The following SGSM1 variants were observed in gnomAD, a reference collection of about 807,000 sequenced individuals.
SGSM1 encodes small G protein signaling modulator 1.
In SGSM1, 73 loss-of-function variants were observed where a neutral mutation model predicts 133.8. The ratio of observed to expected loss-of-function variants is 0.55; its 90% CI spans 0.45 to 0.66. SGSM1 has a LOEUF of 0.66. Ranked by LOEUF, SGSM1 falls within the 30% of genes least tolerant of loss-of-function variation. The pLI is 0.00. For synonymous variants in SGSM1, 563 were observed against 573.0 expected, an observed-to-expected ratio of 0.98 and a Z score of 0.25; for missense variants, 1,213 against 1,448.1, an observed-to-expected ratio of 0.84 and a Z score of 2.64.
rs1048272801 is a variant in SGSM1 at position 24,847,501 on chromosome 22, T to C, written c.140-133T>C. The stretch of plus-strand genomic sequence containing the variant: ...CCTATACAAGTGTGAGCTCCCTGTC[T>C]CTGGGGTAAGACAGAAGGTAAGAAG... On this transcript the variant is annotated intron_variant, in intron 3 of 24. Transcript: ENST00000400358. 4 of 1,166,206 alleles carry C rather than the reference T, an allele frequency of 3.4e-6. No individual in the cohort carries two copies. In the African/African-American group the frequency reaches 6.2e-5, roughly 18 times the overall value. The allele number at this position is 1,166,206 out of a possible 1,614,324, so 72.2% of individuals were successfully genotyped here.
rs931606785 is a variant in SGSM1 at position 24,901,773 on chromosome 22, T to C, written c.2611-60T>C. On this transcript the variant is annotated intron_variant, in intron 19 of 24. Transcript: ENST00000400358. ...AGGAGATAGGATTGCTGCTTTCCAG[T>C]GGGGACTTAGATGTGATTTTTCATT... The C allele has an allele frequency of 6.3e-6, 10 of 1,575,966 alleles. No homozygotes were observed. The Admixed American group carries it at 1.8e-4, about 28-fold the overall frequency.
At chr22:24,923,860 G>A (rs998310438) in intron 24 of SGSM1, among the ~76,000 whole-genome samples, 1 of 152,154 alleles carries the variant, frequency 6.6e-6, no homozygotes, top group Non-Finnish European at 1.5e-5. Context: ...GACCTCAGGT[G>A]ATCCACCTGC....
rs748278967 is a variant in SGSM1, at chr22:24,860,308, G to A, written c.926+468G>A. On this transcript the variant is annotated intron_variant, in intron 9 of 24. Transcript: ENST00000400358. The stretch of plus-strand genomic sequence containing the variant: ...ACTTGAAAGAAATGCTGGGACAGGG[G>A]ATTTCCTGCTGCAATGCCTGGGTTC... Among the ~76,000 whole-genome samples the A allele has an allele frequency of 9.4e-4, 143 of 152,256 alleles. 1 individual carries two copies. The Middle Eastern group carries it at 0.017, about 18-fold the overall frequency.
chr22:24,854,814 T>C (rs930343782), intron 5 of SGSM1, among the ~76,000 whole-genome samples, 182 bp from the exon 6 acceptor site: 12 of 152,142 alleles, frequency 7.9e-5, no homozygotes, highest in Non-Finnish European at 1.6e-4. Flanking sequence ...AGACCTTATC[T>C]TAAAAAAAAG....
intron 6 of SGSM1, 29 bp downstream of exon 6, chr22:24,855,092 C>T (rs1555925672): frequency 1.2e-6 from 2 of 1,607,368 alleles, no homozygotes; most frequent in Non-Finnish European, 1.7e-6. Flanking sequence ...TGAGCTTCAT[C>T]TAGACCCGTG....
intron 16 of SGSM1, 82 bp downstream of exon 16, chr22:24,886,810 G>A (rs148838940): frequency 3.9e-5 from 56 of 1,452,438 alleles, no homozygotes; most frequent in Admixed American, 2.2e-4. Context: ...CTGGTTCCAC[G>A]CTGGACCAAG....
intron 11 of SGSM1, 57 bp downstream of exon 11, chr22:24,868,596 T>A: frequency 6.2e-7 from 1 of 1,612,144 alleles, no homozygotes. Context: ...CAGAGGGTGG[T>A]TGTTTTTGCC....
chr22:24,917,912 A>T (rs1174508522), intron 23 of SGSM1, among the ~76,000 whole-genome samples, 158 bp downstream of exon 23: 4 of 152,194 alleles, frequency 2.6e-5, no homozygotes, highest in Non-Finnish European at 4.4e-5. Flanking sequence ...CACCTGCCTT[A>T]TCTTGCACTG....
chr22:24,878,787 G>A (rs748686650), intron 13 of SGSM1, among the ~76,000 whole-genome samples: 1 of 152,150 alleles, frequency 6.6e-6, no homozygotes, highest in Non-Finnish European at 1.5e-5. Flanking sequence ...TCCCACTTTG[G>A]CTCAGCTTGG....
chr22:24,856,137 G>T, intron 8 of SGSM1: 2 of 348,436 alleles, frequency 5.7e-6, no homozygotes, highest in East Asian at 7.6e-5. Flanking sequence ...GTTCGCTCTT[G>T]TTCTCACTTC....
chr22:24,879,705 T>C (rs1028466369), intron 14 of SGSM1, among the ~76,000 whole-genome samples, 179 bp downstream of exon 14: 5 of 152,238 alleles, frequency 3.3e-5, no homozygotes, highest in African/African-American at 1.2e-4. Flanking sequence ...TCTTGTCTAC[T>C]GACGGGATAA....
At chr22:24,862,456 C>G (rs1252909270) in intron 9 of SGSM1, among the ~76,000 whole-genome samples, 3 of 152,190 alleles carry the variant, frequency 2.0e-5, no homozygotes, top group African/African-American at 7.2e-5. Flanking sequence ...GTGTACCTAC[C>G]ATCTTGCCCT....
At chr22:24,812,697 C>G (rs1927821281) in intron 2 of SGSM1, among the ~76,000 whole-genome samples, 1 of 152,152 alleles carries the variant, frequency 6.6e-6, no homozygotes, top group Non-Finnish European at 1.5e-5. Flanking sequence ...GGCTGTACTT[C>G]AGGAAGTTTC....
At chr22:24,911,940 A>G (rs1933639902) in intron 21 of SGSM1, among the ~76,000 whole-genome samples, 1 of 152,042 alleles carries the variant, frequency 6.6e-6, no homozygotes, top group African/African-American at 2.4e-5. Context: ...CTGTAGTCCC[A>G]GCTACTTGGG....
At chr22:24,922,944 A>G (rs114525146) in intron 24 of SGSM1, among the ~76,000 whole-genome samples, 3,504 of 152,312 alleles carry the variant, frequency 0.023, 125 homozygotes, top group African/African-American at 0.073. Flanking sequence ...TCTGGCCAAC[A>G]TGGCAAAACT....
intron 2 of SGSM1, among the ~76,000 whole-genome samples, chr22:24,826,306 GAC>G (rs1157422417): frequency 6.6e-6 from 1 of 152,148 alleles, no homozygotes; most frequent in East Asian, 1.9e-4. Flanking sequence ...ATCTGAAATT[GAC>G]ATTTAACTGG....
At chr22:24,908,307 T>C (rs1601981840) in intron 21 of SGSM1, among the ~76,000 whole-genome samples, 1 of 149,000 alleles carries the variant, frequency 6.7e-6, no homozygotes, top group Middle Eastern at 3.4e-3. Flanking sequence ...TAGGGAATTT[T>C]TTTTAGATAT....
At chr22:24,883,962 T>A in intron 14 of SGSM1, 91 bp from the exon 15 acceptor site, 2 of 1,413,272 alleles carry the variant, frequency 1.4e-6, no homozygotes, top group Non-Finnish European at 1.9e-6. Flanking sequence ...TTTAAAAAAT[T>A]TGAGGTGGGA....
At chr22:24,847,838 A>C (rs71321014) in intron 4 of SGSM1, 42 bp downstream of exon 4, 1 of 1,600,366 alleles carries the variant, frequency 6.2e-7, no homozygotes, top group Non-Finnish European at 8.5e-7. Flanking sequence ...CAGCTCCCCC[A>C]ATAGTCCACA....
Sources: allele counts gnomAD v4.1 joint callset (sites outside exome capture counted in the v4.1 genomes callset), GRCh38; gene constraint gnomAD v4.1.1; transcripts MANE v1.5; gene names NCBI Gene and HGNC (gene_info 2026-07-23, HGNC 2026-07-21).